The following SULT4A1 variants were observed in gnomAD, a reference collection of about 807,000 sequenced individuals.
SULT4A1 encodes sulfotransferase family 4A member 1, also known as sulfotransferase 4A1.
SULT4A1 carries 11 observed loss-of-function variants against 35.2 expected under a neutral mutation model. The ratio of observed to expected loss-of-function variants is 0.31; its 90% CI spans 0.20 to 0.52. SULT4A1 has a LOEUF of 0.52. Among genes scored for constraint, SULT4A1 ranks in the 20% least tolerant of loss-of-function variants. The probability of loss-of-function intolerance (pLI) is 0.97; values close to 1 mark genes in which losing one functional copy is unlikely to be tolerated. For synonymous variants in SULT4A1, 152 were observed against 151.8 expected (o/e 1.00, Z -0.01); for missense variants, 271 against 383.7 (o/e 0.71, Z 2.45).
chr22:43,843,206 G>A (rs1467148061), intron 1 of SULT4A1, among the ~76,000 whole-genome samples: 1 of 152,166 alleles, frequency 6.6e-6, no homozygotes, highest in African/African-American at 2.4e-5. Context: ...CTTGAGGCCA[G>A]AAGTTCGAGA....
chr22:43,860,436 A>C (rs2049453050), intron 1 of SULT4A1, among the ~76,000 whole-genome samples: 1 of 152,170 alleles, frequency 6.6e-6, no homozygotes, highest in Non-Finnish European at 1.5e-5. Context: ...ACGTGGGCTA[A>C]GCGTTCTCAC....
At chr22:43,857,776 A>G (rs1010823049) in intron 1 of SULT4A1, among the ~76,000 whole-genome samples, 3 of 152,212 alleles carry the variant, frequency 2.0e-5, no homozygotes, top group Admixed American at 6.5e-5. Context: ...AAGGCCTGGC[A>G]TAGCAGCTCA....
intron 1 of SULT4A1, among the ~76,000 whole-genome samples, chr22:43,861,849 G>A (rs1334715819): frequency 6.6e-6 from 1 of 152,246 alleles, no homozygotes; most frequent in African/African-American, 2.4e-5. Flanking sequence ...GGAACAGAGA[G>A]GTTGAGTGAC....
At chr22:43,835,568 C>T (rs2063364229) in intron 4 of SULT4A1, among the ~76,000 whole-genome samples, 1 of 152,122 alleles carries the variant, frequency 6.6e-6, no homozygotes, top group African/African-American at 2.4e-5. Flanking sequence ...GAGACTTGCC[C>T]AAGTCACCAA....
intron 6 of SULT4A1, chr22:43,826,458 C>G (rs1603403423): frequency 3.0e-6 from 3 of 985,242 alleles, no homozygotes; most frequent in Admixed American, 1.2e-4. Context: ...TAGAACGGCA[C>G]CTGGCACGTG....
chr22:43,857,370 CAAAAAA>C (rs60746917), intron 1 of SULT4A1, among the ~76,000 whole-genome samples: 1 of 93,792 alleles, frequency 1.1e-5, no homozygotes, highest in Non-Finnish European at 2.1e-5. Context: ...GATCCTGTCT[CAAAAAA>C]AAAAAAAAAA....
chr22:43,827,406 A>T (rs765506974), intron 6 of SULT4A1: 192 of 1,178,188 alleles, frequency 1.6e-4, no homozygotes, highest in Non-Finnish European at 2.0e-4. Context: ...TAACCCTTTA[A>T]TGATACCTAA....
At position 43,826,331 on chromosome 22, in the gene SULT4A1, C is replaced by T. The variant is rs1349958395; in HGVS notation, c.743-218G>A. 5 of 985,310 alleles carry T rather than the reference C, an allele frequency of 5.1e-6. No homozygotes were observed. In the African/African-American group the frequency reaches 8.7e-5, roughly 17 times the overall value. 61.0% of individuals were successfully genotyped at this position (985,310 alleles called of 1,614,324 possible). A position where few individuals can be genotyped will look rare whatever the true frequency, so the allele number is the denominator to read the frequency against. The stretch of plus-strand genomic sequence containing the variant: ...TGCGGCAGAACATGACCTGAACCAG[C>T]TTCCCTCTGAGGCTGTGGCACAGTG... On this transcript the variant is annotated intron_variant, in intron 6 of 6. Transcript: ENST00000330884.
At chr22:43,842,084 C>T (rs997412740) in intron 1 of SULT4A1, 152 bp from the exon 2 acceptor site, 28 of 1,252,216 alleles carry the variant, frequency 2.2e-5, no homozygotes, top group Middle Eastern at 2.8e-4. Context: ...GCGCCCCGCA[C>T]GGTCTCAGCC....
intron 1 of SULT4A1, among the ~76,000 whole-genome samples, chr22:43,853,374 C>T (rs1242929018): frequency 6.6e-6 from 1 of 152,224 alleles, no homozygotes; most frequent in Non-Finnish European, 1.5e-5. Context: ...AGTGGCAGCT[C>T]ACTTCTGGGC....
Position 43,862,409 on chromosome 22 carries a change from C to T in SULT4A1, c.-27G>A, listed in dbSNP as rs754857088. On this transcript the variant is annotated 5_prime_UTR_variant, in exon 1 of 7. Transcript: ENST00000330884. ...CCGCCGCCGTCGCCGTCGCCGCCGC[C>T]GCCTCCCGGCTCGCAGCCCGCACGC... 2.5e-6 allele frequency: 3 copies of T among 1,188,128 alleles called. No homozygotes were observed. Among genetic ancestry groups the T allele is most frequent in the Non-Finnish European group, 2.1e-6 (2 of 943,240 alleles). The allele number at this position is 1,188,128 out of a possible 1,614,324, so 73.6% of individuals were successfully genotyped here.
chr22:43,858,750 C>A (rs1376453418), intron 1 of SULT4A1, among the ~76,000 whole-genome samples: 2 of 140,954 alleles, frequency 1.4e-5, no homozygotes, highest in Non-Finnish European at 3.1e-5. Flanking sequence ...TGGGTGGTTT[C>A]TCTCCAGGAT....
chr22:43,840,984 C>T (rs4149442), intron 2 of SULT4A1, among the ~76,000 whole-genome samples: 31,864 of 152,158 alleles, frequency 0.21, 3,832 homozygotes, highest in East Asian at 0.47. Context: ...CAGCGCTGAT[C>T]GCTGGCTAGC....
chr22:43,830,275 T>C (rs1474123201), intron 5 of SULT4A1, among the ~76,000 whole-genome samples: 1 of 150,822 alleles, frequency 6.6e-6, no homozygotes, highest in Admixed American at 6.6e-5. Context: ...GGAGAAAGAG[T>C]GAAGAAACCT....
chr22:43,849,510 G>A (rs890791895), intron 1 of SULT4A1, among the ~76,000 whole-genome samples: 9 of 152,154 alleles, frequency 5.9e-5, no homozygotes, highest in African/African-American at 1.2e-4. Context: ...CAGAGACTAC[G>A]GTTGGACATC....
At chr22:43,859,171 C>A in intron 1 of SULT4A1, among the ~76,000 whole-genome samples, 1 of 152,200 alleles carries the variant, frequency 6.6e-6, no homozygotes, top group South Asian at 2.1e-4. Flanking sequence ...AGCCTGGGAC[C>A]TGCACACCAT....
intron 3 of SULT4A1, among the ~76,000 whole-genome samples, chr22:43,839,301 C>T (rs941140167): frequency 6.6e-6 from 1 of 152,260 alleles, no homozygotes; most frequent in African/African-American, 2.4e-5. Context: ...GTGGTAAGAA[C>T]ACAGGCCTCT....
intron 1 of SULT4A1, among the ~76,000 whole-genome samples, chr22:43,858,067 A>AG: frequency 7.0e-6 from 1 of 143,048 alleles, no homozygotes; most frequent in Non-Finnish European, 1.5e-5. Context: ...AAAAAAAAAA[A>AG]GGAAAGAAAG....
intron 4 of SULT4A1, among the ~76,000 whole-genome samples, chr22:43,835,805 T>G (rs1376846603): frequency 1.3e-5 from 2 of 152,044 alleles, no homozygotes; most frequent in Non-Finnish European, 2.9e-5. Flanking sequence ...GGAAATAGTG[T>G]GAGGACTCTG....
Sources: gnomAD v4.1 joint callset for allele counts (sites outside exome capture counted in the v4.1 genomes callset) on GRCh38, gnomAD v4.1.1 for gene constraint, MANE v1.5 for transcripts, NCBI Gene and HGNC (gene_info 2026-07-23, HGNC 2026-07-21) for gene names.